The following SH3TC2 variants were observed in gnomAD, a reference collection of about 807,000 sequenced individuals.
The protein encoded by SH3TC2 is SH3 domain and tetratricopeptide repeats 2.
In SH3TC2, 87 loss-of-function variants were observed where a neutral mutation model predicts 124.5. That is an observed-to-expected ratio of 0.70 (90% CI 0.59 to 0.84). The LOEUF is 0.84. Ranked by LOEUF, SH3TC2 falls within the 40% of genes least tolerant of loss-of-function variation. The probability of loss-of-function intolerance (pLI) is 0.00; values close to 1 mark genes in which losing one functional copy is unlikely to be tolerated. For synonymous variants in SH3TC2, 634 were observed against 628.5 expected (o/e 1.01, Z -0.13); for missense variants, 1,536 against 1,566.4 (o/e 0.98, Z 0.33).
intron 1 of SH3TC2, among the ~76,000 whole-genome samples, chr5:149,052,747 ACT>A (rs1207209432): frequency 6.6e-6 from 1 of 152,144 alleles, no homozygotes; most frequent in Non-Finnish European, 1.5e-5. Context: ...TTTCTTCCCA[ACT>A]CTGAAAAGTT....
At chr5:149,053,978 T>C (rs1019362099) in intron 1 of SH3TC2, among the ~76,000 whole-genome samples, 1 of 152,226 alleles carries the variant, frequency 6.6e-6, no homozygotes, top group Non-Finnish European at 1.5e-5. Context: ...TAATGTTTGA[T>C]AATACAATGG....
chr5:149,019,295 A>AT (rs1753930359), intron 12 of SH3TC2, among the ~76,000 whole-genome samples: 1 of 151,844 alleles, frequency 6.6e-6, no homozygotes, highest in Non-Finnish European at 1.5e-5. Context: ...TTGTTCTTGT[A>AT]TTTTTTTTAA....
In SH3TC2 at chr5:149,041,539, T is replaced by C. The variant is rs1561769823; in HGVS notation, c.608A>G (p.Asn203Ser). The C allele has an allele frequency of 2.5e-6, 4 of 1,614,188 alleles. No individual in the cohort carries two copies. Among genetic ancestry groups the C allele is most frequent in the Non-Finnish European group, 3.4e-6 (4 of 1,180,044 alleles). ...KEGECLTLCK[N>S]ELISVKMAEA... is the part of the protein sequence containing the mutation. ...TGCCATCTTCACTGAGATTAACTCA[T>C]TCTTGCAAAGTGTCAAGCATTCCCC... is the stretch of plus-strand genomic sequence containing the variant. The change falls in exon 6 of 17, where the codon AAT becomes AGT. Residue 203 changes from asparagine to serine, a missense_variant. Asn to Ser is a conservative substitution (Grantham distance 46). Around this residue, in one of 3 missense-constraint regions of SH3TC2, gnomAD observed 1,102 missense variants for 1,098.6 expected, o/e 1.00. Coordinates refer to ENST00000515425, the MANE Select transcript of SH3TC2 (RefSeq NM_024577.4).
At chr5:149,024,406 C>T (rs1486007925) in intron 12 of SH3TC2, among the ~76,000 whole-genome samples, 1 of 152,126 alleles carries the variant, frequency 6.6e-6, no homozygotes, top group East Asian at 1.9e-4. Context: ...GCCCTAAAAG[C>T]TTAGGTCTCT....
At position 149,044,623 on chromosome 5, in the gene SH3TC2, A is replaced by T. The variant is rs1561770787; in HGVS notation, c.295T>A (p.Leu99Met). The T allele has an allele frequency of 6.2e-7, 1 of 1,614,018 alleles. No homozygotes were observed. The highest frequency in any genetic ancestry group is 8.5e-7 in the Non-Finnish European group (1 of 1,179,936). The change falls in exon 4 of 17, where the codon TTG becomes ATG. Residue 99 changes from leucine to methionine, a missense_variant. Around this residue, in one of 3 missense-constraint regions of SH3TC2, gnomAD observed 1,102 missense variants for 1,098.6 expected, o/e 1.00. Coordinates refer to ENST00000515425, the MANE Select transcript of SH3TC2 (RefSeq NM_024577.4). ...RMLFKDLSAR[L>M]VSIQSQRAQF... The stretch of plus-strand genomic sequence containing the variant: ...GCCCTCTGAGACTGGATACTGACCA[A>T]CCTTGCTGAGAGGTCCTACGTAAAG...
rs1421062539 is a variant in SH3TC2 at position 149,027,587 on chromosome 5, G to A, written c.2145C>T (p.Leu715=). The A allele has an allele frequency of 6.2e-5, 100 of 1,614,236 alleles. No individual in the cohort carries two copies. The highest frequency in any genetic ancestry group is 8.4e-5 in the Non-Finnish European group (99 of 1,180,048). The change falls in exon 11 of 17, where the codon CTC becomes CTT. Residue 715 remains leucine, a synonymous_variant. Transcript: ENST00000515425. ...AGCCAAGGAGCTTGGTTGTGTTCTGGAGGACAAGGTGGACCTGCCAAATAG... is the reference window on the plus strand; with the variant it reads ...AGCCAAGGAGCTTGGTTGTGTTCTGAAGGACAAGGTGGACCTGCCAAATAG... ...SLPIWQVHLV[L]QNTTKLLGFP...
At chr5:149,049,965 G>A (rs1464827523) in intron 2 of SH3TC2, among the ~76,000 whole-genome samples, 1 of 152,110 alleles carries the variant, frequency 6.6e-6, no homozygotes, top group Non-Finnish European at 1.5e-5. Flanking sequence ...TATTAACCTT[G>A]GCAATAACTG....
At position 149,029,106 on chromosome 5, in the gene SH3TC2, G is replaced by A. The variant is rs538582535; in HGVS notation, c.1136-388C>T. On this transcript the variant is annotated intron_variant, in intron 9 of 16. Transcript: ENST00000515425. ...CAAATCTCTCAGCGAGTTCACGATG[G>A]AGCCAGGACACAACTCCCAGCACAG... Among the ~76,000 whole-genome samples, 9 of 152,336 alleles carry A rather than the reference G, an allele frequency of 5.9e-5. No homozygotes were observed. The East Asian group carries it at 1.7e-3, about 29-fold the overall frequency.
At chr5:149,020,279 A>C (rs1753947281) in intron 12 of SH3TC2, among the ~76,000 whole-genome samples, 2 of 152,232 alleles carry the variant, frequency 1.3e-5, no homozygotes, top group African/African-American at 4.8e-5. Flanking sequence ...ATTTTTAAAA[A>C]ATGTTAATTA....
intron 12 of SH3TC2, among the ~76,000 whole-genome samples, chr5:149,021,877 A>G (rs1753976839): frequency 2.1e-5 from 1 of 46,918 alleles, no homozygotes; most frequent in Admixed American, 2.5e-4. Context: ...TCCTTCACAA[A>G]CTCTTTCTTT....
At chr5:149,050,442 A>G (rs990737198) in intron 2 of SH3TC2, among the ~76,000 whole-genome samples, 1 of 152,204 alleles carries the variant, frequency 6.6e-6, no homozygotes, top group African/African-American at 2.4e-5. Flanking sequence ...ATCAGGGTGG[A>G]AAATGCTGAA....
rs1158224296 is a variant in SH3TC2 at position 148,983,951 on chromosome 5, G to A, written c.*20760C>T. On this transcript the variant is annotated 3_prime_UTR_variant, in exon 17 of 17. Transcript: ENST00000515425. ...ATCAACCTGCTCCTGGAACCAGTGTGGTTTTTAAGTCACTTGAACCAATAC... is the reference window on the plus strand; with the variant it reads ...ATCAACCTGCTCCTGGAACCAGTGTAGTTTTTAAGTCACTTGAACCAATAC... 1.3e-5 allele frequency among the ~76,000 whole-genome samples: 2 copies of A among 152,134 alleles called. No homozygotes were observed. The highest frequency in any genetic ancestry group is 2.9e-5 in the Non-Finnish European group (2 of 68,008).
Position 149,032,064 on chromosome 5 carries a change from G to A in SH3TC2, c.1002-377C>T, listed in dbSNP as rs567226094. ...AAAGAGGAATCAATTGCCCTAAATGGAAGGGTTGAAAAGGGACCATTAAAA... is the reference window on the plus strand; with the variant it reads ...AAAGAGGAATCAATTGCCCTAAATGAAAGGGTTGAAAAGGGACCATTAAAA... On this transcript the variant is annotated intron_variant, in intron 8 of 16. Coordinates refer to ENST00000515425, the MANE Select transcript of SH3TC2 (RefSeq NM_024577.4). Among the ~76,000 whole-genome samples, 280 of 152,270 alleles carry A rather than the reference G, an allele frequency of 1.8e-3. 1 individual carries two copies. Among genetic ancestry groups the A allele is most frequent in the Non-Finnish European group, 2.9e-3 (194 of 68,032 alleles).
In SH3TC2 at chr5:148,998,844, G is replaced by A. The variant is rs548290965; in HGVS notation, c.*5867C>T. On this transcript the variant is annotated 3_prime_UTR_variant, in exon 17 of 17. Coordinates refer to ENST00000515425, the MANE Select transcript of SH3TC2 (RefSeq NM_024577.4). The stretch of plus-strand genomic sequence containing the variant: ...AGTCCCCTGAGTTCTGGAATAATCA[G>A]ACAGAGTTGGGAGAGTGAGGGGGTA... Among the ~76,000 whole-genome samples, 4 of 152,280 alleles carry A rather than the reference G, an allele frequency of 2.6e-5. No individual in the cohort carries two copies. Among genetic ancestry groups the A allele is most frequent in the Admixed American group, 2.6e-4 (4 of 15,294 alleles).
chr5:149,036,219 G>A (rs1754280629), intron 8 of SH3TC2, among the ~76,000 whole-genome samples: 1 of 152,190 alleles, frequency 6.6e-6, no homozygotes. Flanking sequence ...CACTCACATG[G>A]TCATGAATGC....
intron 6 of SH3TC2, among the ~76,000 whole-genome samples, 180 bp from the exon 7 acceptor site, chr5:149,040,857 G>A (rs1182881381): frequency 6.6e-6 from 1 of 152,230 alleles, no homozygotes; most frequent in Non-Finnish European, 1.5e-5. Context: ...TGAGAAGTTA[G>A]TAGACCTGGG....
At position 148,994,917 on chromosome 5, in the gene SH3TC2, A is replaced by G. The variant is rs1753484329; in HGVS notation, c.*9794T>C. 6.6e-6 allele frequency among the ~76,000 whole-genome samples: 1 copy of G among 152,168 alleles called. No homozygotes were observed. Among genetic ancestry groups the G allele is most frequent in the Admixed American group, 6.6e-5 (1 of 15,264 alleles). On this transcript the variant is annotated 3_prime_UTR_variant, in exon 17 of 17. Coordinates refer to ENST00000515425, the MANE Select transcript of SH3TC2 (RefSeq NM_024577.4). ...GTTTTTATCCACATCCCACAATACC[A>G]TGAACTTATGATTTCCCAAGGAAAG...
chr5:149,025,199 C>T (rs1022402149), intron 12 of SH3TC2, among the ~76,000 whole-genome samples: 4 of 152,152 alleles, frequency 2.6e-5, no homozygotes, highest in Non-Finnish European at 5.9e-5. Flanking sequence ...TGACTCCTCA[C>T]ATGCTGCATG....
At chr5:149,050,720 G>C (rs558503013) in intron 2 of SH3TC2, among the ~76,000 whole-genome samples, 2 of 152,290 alleles carry the variant, frequency 1.3e-5, no homozygotes, top group East Asian at 3.9e-4. Context: ...ATACCACCCT[G>C]AACATGCCCG....
Sources: gnomAD v4.1 joint callset for allele counts (sites outside exome capture counted in the v4.1 genomes callset) on GRCh38, gnomAD v4.1.1 for gene constraint, gnomAD v4.1.1 regional missense constraint, MANE v1.5 for transcripts, NCBI Gene and HGNC (gene_info 2026-07-23, HGNC 2026-07-21) for gene names.